Variants in CIT observed in about 807,000 individuals in gnomAD.
CIT encodes the protein citron rho-interacting serine/threonine kinase.
Under a neutral mutation model 272.7 loss-of-function variants are expected in CIT, and 79 were observed. That is an observed-to-expected ratio of 0.29 (90% CI 0.24 to 0.35). The LOEUF is 0.35. Among genes scored for constraint, CIT ranks in the 10% least tolerant of loss-of-function variants. The probability of loss-of-function intolerance (pLI) is 1.00; values close to 1 mark genes in which losing one functional copy is unlikely to be tolerated. For synonymous variants in CIT, 948 were observed against 995.6 expected (o/e 0.95, Z 0.90); for missense variants, 1,909 against 2,618.3 (o/e 0.73, Z 5.91).
In CIT at chr12:119,770,319, A is replaced by G. The variant is rs1962955373; in HGVS notation, c.2208+466T>C. 6.6e-6 allele frequency among the ~76,000 whole-genome samples: 1 copy of G among 152,200 alleles called. No homozygotes were observed. The highest frequency in any genetic ancestry group is 1.5e-5 in the Non-Finnish European group (1 of 68,038). ...AAAGTGAGTGGGTGAACATGGATCT[A>G]TGACAAATACTACTCCTAGCAAAAC... is the stretch of plus-strand genomic sequence containing the variant. On this transcript the variant is annotated intron_variant, in intron 18 of 47. Transcript: ENST00000392521. This position sits in a 1 kb window ranked among gnomAD's most constrained non-coding sequence, Gnocchi z 4.4.
rs1950592700 is a variant in CIT at position 119,869,052 on chromosome 12, A to AT, written c.238+7_238+8insA. 1 of 1,608,540 alleles carries AT rather than the reference A, an allele frequency of 6.2e-7. No homozygotes were observed. Among genetic ancestry groups the AT allele is most frequent in the Non-Finnish European group, 8.5e-7 (1 of 1,179,016 alleles). On this transcript the variant is annotated splice_region_variant and intron_variant, in intron 3 of 47. Transcript: ENST00000392521. Reference sequence around the variant, plus strand: ...GACAGTTTTCAAGAAAAAGTTCCCCAAACTTACACTTCCGGACAAAGTTGC... The same window carrying AT: ...GACAGTTTTCAAGAAAAAGTTCCCCATAACTTACACTTCCGGACAAAGTTGC...
In CIT at chr12:119,872,846, G is replaced by C. The variant is rs575739243; in HGVS notation, c.96+3227C>G. 1.1e-4 allele frequency among the ~76,000 whole-genome samples: 16 copies of C among 152,198 alleles called. No individual in the cohort carries two copies. In the East Asian group the frequency reaches 2.9e-3, roughly 28 times the overall value. On this transcript the variant is annotated intron_variant, in intron 2 of 47. Transcript: ENST00000392521. ...GGGTCTCGTTCTGTTGCCCAGGCTG[G>C]AGTGCAGTGTTGCAATCTCAACTCA...
chr12:119,725,807 C>G (rs1958063948), intron 28 of CIT, among the ~76,000 whole-genome samples: 1 of 152,242 alleles, frequency 6.6e-6, no homozygotes, highest in South Asian at 2.1e-4. Context: ...AACTCGCCCT[C>G]TCAGAAGGAA....
intron 6 of CIT, among the ~76,000 whole-genome samples, chr12:119,833,663 CAAA>C (rs35433156): frequency 0.029 from 2,450 of 83,814 alleles, 30 homozygotes; most frequent in African/African-American, 0.048. Flanking sequence ...GACTCTGTCT[CAAA>C]AAAAAAAAAA....
chr12:119,707,312 C>T (rs1259352706), intron 40 of CIT, among the ~76,000 whole-genome samples: 1 of 152,180 alleles, frequency 6.6e-6, no homozygotes, highest in Non-Finnish European at 1.5e-5. Flanking sequence ...TTCATGGCTA[C>T]ACAAATTATT....
At position 119,687,535 on chromosome 12, in the gene CIT, G is replaced by A. The variant is rs1180450845; in HGVS notation, c.*697C>T. 1 of 152,612 alleles carries A rather than the reference G, an allele frequency of 6.6e-6. No individual in the cohort carries two copies. Among genetic ancestry groups the A allele is most frequent in the Admixed American group, 6.5e-5 (1 of 15,292 alleles). The allele number at this position is 152,612 out of a possible 1,614,324, so 9.5% of individuals were successfully genotyped here. The stretch of plus-strand genomic sequence containing the variant: ...GACCTCCATACATTCTCAGCTGGTG[G>A]GAGGGGAAGTCGTCAAGGCCATAAA... On this transcript the variant is annotated 3_prime_UTR_variant, in exon 48 of 48. Coordinates refer to ENST00000392521, the MANE Select transcript of CIT (RefSeq NM_001206999.2).
Position 119,740,079 on chromosome 12 carries a change from G to A in CIT, c.2958+2332C>T, listed in dbSNP as rs181407247. ...CAGAGCCCATGACTTAGACTACTAA[G>A]TTACCCAGCTCCTCTGGCTGAAATG... On this transcript the variant is annotated intron_variant, in intron 24 of 47. Coordinates refer to ENST00000392521, the MANE Select transcript of CIT (RefSeq NM_001206999.2). Among the ~76,000 whole-genome samples the A allele has an allele frequency of 3.0e-4, 46 of 152,290 alleles. No homozygotes were observed. In the East Asian group the frequency reaches 7.5e-3, roughly 25 times the overall value.
At chr12:119,757,857 G>A (rs1470533158) in intron 21 of CIT, among the ~76,000 whole-genome samples, 16 of 152,208 alleles carry the variant, frequency 1.1e-4, no homozygotes, top group Admixed American at 1.0e-3. Flanking sequence ...GTGAGTCTGT[G>A]TAGGGACAGA....
intron 12 of CIT, 175 bp downstream of exon 12, chr12:119,783,733 C>G: frequency 1.5e-6 from 1 of 685,018 alleles, no homozygotes; most frequent in Non-Finnish European, 2.3e-6. Context: ...TTCTTGGGGA[C>G]CTTACGCCTG....
chr12:119,783,798 C>T, intron 12 of CIT, 110 bp downstream of exon 12: 4 of 1,353,172 alleles, frequency 3.0e-6, no homozygotes, highest in Non-Finnish European at 4.0e-6. Flanking sequence ...CCTCTCTCTA[C>T]TCTCTGCCAT....
At chr12:119,795,874 G>A (rs1326721669) in intron 10 of CIT, among the ~76,000 whole-genome samples, 3 of 152,224 alleles carry the variant, frequency 2.0e-5, no homozygotes, top group Non-Finnish European at 4.4e-5. Flanking sequence ...CATAGTTCTG[G>A]GAACACAAGA....
chr12:119,822,251 G>A (rs1967782263), intron 9 of CIT, among the ~76,000 whole-genome samples: 1 of 152,216 alleles, frequency 6.6e-6, no homozygotes, highest in South Asian at 2.1e-4. Flanking sequence ...CCAGGTCTTT[G>A]TTTTTAATGA....
chr12:119,718,233 A>G lies in CIT; in HGVS notation c.4168+12T>C. 6.3e-7 allele frequency: 1 copy of G among 1,597,446 alleles called. No individual in the cohort carries two copies. Among genetic ancestry groups the G allele is most frequent in the Middle Eastern group, 1.7e-4 (1 of 5,992 alleles). On this transcript the variant is annotated intron_variant, in intron 32 of 47. Coordinates refer to ENST00000392521, the MANE Select transcript of CIT (RefSeq NM_001206999.2). The surrounding 1 kb of genome is among the most constrained non-coding windows in gnomAD (Gnocchi z 4.8). ...GTCGACTAAAAGAAATTTCCATACA[A>G]CTCCAACGTACCCTCTGGAGTTGAA...
intron 5 of CIT, among the ~76,000 whole-genome samples, chr12:119,848,049 A>C (rs1256469334): frequency 6.6e-6 from 1 of 152,206 alleles, no homozygotes; most frequent in Non-Finnish European, 1.5e-5. Context: ...GTCATCTGTG[A>C]AGGTGAGGGT....
At chr12:119,700,712 A>G in intron 44 of CIT, 33 bp downstream of exon 44, 1 of 1,576,420 alleles carries the variant, frequency 6.3e-7, no homozygotes, top group Non-Finnish European at 8.7e-7. Flanking sequence ...AGCTGCTGGC[A>G]AAAGAGAAGC....
intron 2 of CIT, among the ~76,000 whole-genome samples, chr12:119,873,123 T>C (rs969223187): frequency 2.6e-5 from 4 of 151,830 alleles, no homozygotes; most frequent in African/African-American, 9.7e-5. Flanking sequence ...AAAGTTTAAA[T>C]TAAAAATAGT....
intron 13 of CIT, among the ~76,000 whole-genome samples, chr12:119,778,083 G>C (rs1963946904): frequency 6.6e-6 from 1 of 152,186 alleles, no homozygotes; most frequent in African/African-American, 2.4e-5. Context: ...TGCAATGCAA[G>C]TCACCCTGAA....
intron 10 of CIT, among the ~76,000 whole-genome samples, chr12:119,797,727 A>C (rs1387021547): frequency 3.9e-5 from 6 of 152,224 alleles, no homozygotes; most frequent in Non-Finnish European, 8.8e-5. Context: ...AAAGGAAAAC[A>C]CTTTTTAAGG....
At chr12:119,847,719 C>T (rs1348972866) in intron 5 of CIT, among the ~76,000 whole-genome samples, 2 of 152,076 alleles carry the variant, frequency 1.3e-5, no homozygotes, top group Admixed American at 1.3e-4. Flanking sequence ...GGCGAAACCC[C>T]GTCTCTACTA....
Sources: gnomAD v4.1 joint callset for allele counts (sites outside exome capture counted in the v4.1 genomes callset) on GRCh38, gnomAD v4.1.1 for gene constraint, Gnocchi (gnomAD v3.1) non-coding constraint, MANE v1.5 for transcripts, NCBI Gene and HGNC (gene_info 2026-07-23, HGNC 2026-07-21) for gene names.